The following PPME1 variants were observed in gnomAD, a reference collection of about 807,000 sequenced individuals.
PPME1 encodes testicular secretory protein Li 39.
A neutral mutation model predicts 56.9 loss-of-function variants in PPME1; 17 were observed. The observed-to-expected ratio is 0.30, with a 90% CI of 0.20 to 0.45. The LOEUF is 0.45. PPME1 is among the 20% of genes least tolerant of loss of function. The pLI, the probability that PPME1 is intolerant of heterozygous loss-of-function variation, is 1.00. For synonymous variants in PPME1, 122 were observed against 156.2 expected, an observed-to-expected ratio of 0.78 and a Z score of 1.63; for missense variants, 357 against 483.2, an observed-to-expected ratio of 0.74 and a Z score of 2.45.
Position 74,173,465 on chromosome 11 carries a change from GAA to G in PPME1, c.101+1951_101+1952del, listed in dbSNP as rs373757115. 9.8e-3 allele frequency among the ~76,000 whole-genome samples: 1,465 copies of G among 149,940 alleles called. 22 individuals are homozygous for G. The highest frequency in any genetic ancestry group is 0.034 in the African/African-American group (1,377 of 40,946). The stretch of plus-strand genomic sequence containing the variant: ...GAAGAACTGAATGAAGATACTGAGA[GAA>G]AAAAAAAGGAAAATCTGCTGATTAG... On this transcript the variant is annotated intron_variant, in intron 1 of 13. Transcript: ENST00000328257.
At chr11:74,225,179 T>C (rs1049308854) in intron 4 of PPME1, 26 bp from the exon 5 acceptor site, 17 of 1,465,114 alleles carry the variant, frequency 1.2e-5, no homozygotes, top group Admixed American at 2.1e-5. Context: ...TGTGGGAATT[T>C]TATTTTTAAA....
intron 1 of PPME1, among the ~76,000 whole-genome samples, chr11:74,198,433 A>C (rs1053978598): frequency 2.0e-5 from 3 of 151,954 alleles, no homozygotes; most frequent in African/African-American, 7.2e-5. Context: ...TTTTATCTTT[A>C]CATTTTATCG....
chr11:74,183,251 C>A (rs531824675), intron 1 of PPME1, among the ~76,000 whole-genome samples: 1 of 152,108 alleles, frequency 6.6e-6, no homozygotes, highest in African/African-American at 2.4e-5. Context: ...GAGCCATGAT[C>A]GTGACACTGT....
chr11:74,183,141 T>TA (rs1309330196), intron 1 of PPME1, among the ~76,000 whole-genome samples: 1 of 151,680 alleles, frequency 6.6e-6, no homozygotes, highest in East Asian at 1.9e-4. Context: ...TACAAAAAGT[T>TA]AAAAAATTAG....
intron 2 of PPME1, 60 bp downstream of exon 2, chr11:74,203,881 A>G: frequency 8.1e-7 from 1 of 1,241,248 alleles, no homozygotes; most frequent in Non-Finnish European, 1.1e-6. Context: ...AAGTTAAAAG[A>G]CTTGTGTAGT....
intron 1 of PPME1, among the ~76,000 whole-genome samples, chr11:74,199,469 C>CT (rs972218185): frequency 1.3e-5 from 2 of 151,610 alleles, no homozygotes; most frequent in Non-Finnish European, 2.9e-5. Flanking sequence ...TGAATTAATC[C>CT]TTTTTTTTGG....
intron 5 of PPME1, among the ~76,000 whole-genome samples, chr11:74,226,267 A>G (rs2135655581): frequency 6.6e-6 from 1 of 152,302 alleles, no homozygotes; most frequent in South Asian, 2.1e-4. Context: ...TTAACTCTGT[A>G]ATACAGATAT....
chr11:74,184,838 G>A (rs1308720253), intron 1 of PPME1, among the ~76,000 whole-genome samples: 1 of 152,152 alleles, frequency 6.6e-6, no homozygotes, highest in African/African-American at 2.4e-5. Flanking sequence ...TGCCTAGGAA[G>A]TATATCAGGG....
At chr11:74,235,245 T>C (rs1466989838) in intron 7 of PPME1, among the ~76,000 whole-genome samples, 4 of 152,102 alleles carry the variant, frequency 2.6e-5, no homozygotes, top group Admixed American at 1.3e-4. Flanking sequence ...TGTACTTAGG[T>C]GGACAAATGT....
chr11:74,246,765 A>G (rs1859514825), intron 10 of PPME1, among the ~76,000 whole-genome samples: 1 of 152,324 alleles, frequency 6.6e-6, no homozygotes, highest in East Asian at 1.9e-4. Flanking sequence ...AGGATGACCT[A>G]ATTCTGGCCT....
chr11:74,221,931 C>T (rs1412762735), intron 3 of PPME1, among the ~76,000 whole-genome samples: 1 of 152,146 alleles, frequency 6.6e-6, no homozygotes, highest in African/African-American at 2.4e-5. Context: ...AAGATATAAA[C>T]TGACTCACCG....
chr11:74,250,043 G>A (rs1356737177), intron 11 of PPME1: 1 of 152,170 alleles, frequency 6.6e-6, no homozygotes, highest in Non-Finnish European at 1.5e-5. Flanking sequence ...ATTGTATAGG[G>A]TAGATTTTGA....
At chr11:74,252,546 G>T in intron 13 of PPME1, 1 of 454,856 alleles carries the variant, frequency 2.2e-6, no homozygotes, top group South Asian at 1.6e-5. Flanking sequence ...GGTGATCCTG[G>T]AAGCTCTAGA....
chr11:74,197,991 C>G (rs1026578690), intron 1 of PPME1, among the ~76,000 whole-genome samples: 2 of 152,178 alleles, frequency 1.3e-5, no homozygotes, highest in Non-Finnish European at 2.9e-5. Flanking sequence ...TTTGTCTCCT[C>G]TCTGTCAAAC....
chr11:74,174,122 G>T (rs570427063), intron 1 of PPME1, among the ~76,000 whole-genome samples: 3 of 146,902 alleles, frequency 2.0e-5, no homozygotes, highest in East Asian at 1.9e-4. Context: ...CATAGACATG[G>T]TCTCATTTCA....
At chr11:74,238,108 TGC>T (rs1859243115) in intron 8 of PPME1, 2 of 152,194 alleles carry the variant, frequency 1.3e-5, no homozygotes, top group African/African-American at 4.8e-5. Context: ...CAGGTGAAAT[TGC>T]CTTGAACCTC....
At chr11:74,212,667 A>G (rs1221051092) in intron 3 of PPME1, among the ~76,000 whole-genome samples, 2 of 152,022 alleles carry the variant, frequency 1.3e-5, no homozygotes, top group Non-Finnish European at 2.9e-5. Flanking sequence ...CAGCTCAGCT[A>G]TAGTAGGATA....
intron 1 of PPME1, 94 bp downstream of exon 1, chr11:74,171,616 T>C: frequency 7.1e-7 from 1 of 1,413,428 alleles, no homozygotes; most frequent in African/African-American, 1.4e-5. Context: ...GAAAGGAGTC[T>C]ACTGATAGGA....
chr11:74,251,053 CTG>C, intron 12 of PPME1, 35 bp downstream of exon 12: 1 of 1,567,044 alleles, frequency 6.4e-7, no homozygotes, highest in South Asian at 1.2e-5. Flanking sequence ...AAAAGGACAA[CTG>C]TGAGAATAAC....
Sources: allele counts gnomAD v4.1 joint callset (sites outside exome capture counted in the v4.1 genomes callset), GRCh38; gene constraint gnomAD v4.1.1; transcripts MANE v1.5; gene names NCBI Gene and HGNC (gene_info 2026-07-23, HGNC 2026-07-21).